CSHL1: variants seen among roughly 807,000 people sequenced by gnomAD.
The protein encoded by CSHL1 is chorionic somatomammotropin hormone like 1.
A neutral mutation model predicts 24.3 loss-of-function variants in CSHL1; 25 were observed. The ratio of observed to expected loss-of-function variants is 1.03; its 90% CI spans 0.75 to 1.44. The LOEUF (loss-of-function observed/expected upper bound fraction) is 1.44, where lower values mean the gene tolerates loss of function less well. Among genes scored for constraint, CSHL1 ranks in the 40% most tolerant of loss-of-function variants. CSHL1 has a pLI of 0.00. For synonymous variants in CSHL1, 157 were observed against 115.6 expected (o/e 1.36, Z -2.30); for missense variants, 342 against 279.3 (o/e 1.22, Z -1.60).
chr17:63,910,056 C>G, intron 4 of CSHL1, 106 bp downstream of exon 4: 1 of 1,614,136 alleles, frequency 6.2e-7, no homozygotes, highest in Non-Finnish European at 8.5e-7. Flanking sequence ...GGTGAGTTCT[C>G]TTGGGTCAGC....
Position 63,910,290 on chromosome 17 carries a change from C to G in CSHL1, c.343G>C (p.Glu115Gln), listed in dbSNP as rs527856367. ...AACCGCACGGGCTCCAGCCGCGACT[C>G]GATGAGCAGCAGGGAGATGTGGAGC... ...ELLHISLLLIESRLEPVRFLR... is the reference protein window; with the variant it reads ...ELLHISLLLIQSRLEPVRFLR... Residue 115 changes from glutamate to glutamine, a missense_variant, in exon 4 of 5, where the codon GAG (glutamate) becomes CAG (glutamine). Transcript: ENST00000309894. 17 of 1,614,106 alleles carry G rather than the reference C, an allele frequency of 1.1e-5. No individual in the cohort carries two copies. The East Asian group carries it at 1.3e-4, about 13-fold the overall frequency.
Position 63,909,830 on chromosome 17 carries a change from G to C in CSHL1, c.550C>G (p.His184Asp), listed in dbSNP as rs1906714537. 1 of 1,614,006 alleles carries C rather than the reference G, an allele frequency of 6.2e-7. No individual in the cohort carries two copies. The highest frequency in any genetic ancestry group is 1.7e-4 in the Middle Eastern group (1 of 6,056). Residue 184 changes from histidine (H) to aspartate (D), a missense_variant, in exon 5 of 5, where the codon CAT becomes GAT. By Grantham distance (81) the His-to-Asp change is moderately conservative. Coordinates refer to ENST00000309894, the MANE Select transcript of CSHL1 (RefSeq NM_022579.3). ...CCGTAGTTCTTGAGCAGTGCGTCATGGTTGTGCGAGTTTGTGTCAAACTTG... is the reference window on the plus strand; with the variant it reads ...CCGTAGTTCTTGAGCAGTGCGTCATCGTTGTGCGAGTTTGTGTCAAACTTG... ...YSKFDTNSHN[H>D]DALLKNYGLL...
In CSHL1 at chr17:63,910,402, G is replaced by T. The variant is rs1408225612; in HGVS notation, c.306+18C>A. ...AGGTCTCCCCCATCCCCGCCTAGGG[G>T]AGACAGCATCCACTCACGGATTTCT... On this transcript the variant is annotated intron_variant, in intron 3 of 4. Transcript: ENST00000309894. 3 of 1,614,088 alleles carry T rather than the reference G, an allele frequency of 1.9e-6. No homozygotes were observed. The African/African-American group carries it at 4.0e-5, about 22-fold the overall frequency.
In CSHL1 at chr17:63,909,667, C is replaced by G; in HGVS notation, c.*44G>C. On this transcript the variant is annotated 3_prime_UTR_variant, in exon 5 of 5. Transcript: ENST00000309894. ...GGCACTGGAGTGGCACCTTCAGGGC[C>G]AGGAGAGGCACTGGGGAGGGGTCAC... The G allele has an allele frequency of 6.2e-7, 1 of 1,613,888 alleles. No homozygotes were observed. The highest frequency in any genetic ancestry group is 8.5e-7 in the Non-Finnish European group (1 of 1,179,902).
rs751404449 is a variant in CSHL1, at chr17:63,910,918, C to A, written c.17G>T (p.Arg6Leu). ...GGCAAAAGCCAGGAGCAGGGACGTC[C>A]GGGAGCCTGGGGAGAAACCGGAGGG... Reference protein sequence around the residue: MAAGSRTSLLLAFALL... With the variant: MAAGSLTSLLLAFALL... Residue 6 changes from arginine to leucine, a missense_variant, in exon 2 of 5, where the codon CGG becomes CTG. Arg to Leu is a moderately radical substitution (Grantham distance 102, BLOSUM62 -2). Coordinates refer to ENST00000309894, the MANE Select transcript of CSHL1 (RefSeq NM_022579.3). 3.7e-6 allele frequency: 6 copies of A among 1,613,854 alleles called. No homozygotes were observed. Among genetic ancestry groups the A allele is most frequent in the East Asian group, 2.2e-5 (1 of 44,876 alleles).
chr17:63,910,797 T>A lies in CSHL1; in HGVS notation c.138A>T (p.Ala46=), dbSNP rs201773152. 1 of 1,614,180 alleles carries A rather than the reference T, an allele frequency of 6.2e-7. No individual in the cohort carries two copies. The highest frequency in any genetic ancestry group is 8.5e-7 in the Non-Finnish European group (1 of 1,180,034). ...GGTAGGTGTCAATGGCCAGCTGGTGTGCGCGATGGGCTTGGAGCATAGCCT... is the reference window on the plus strand; with the variant it reads ...GGTAGGTGTCAATGGCCAGCTGGTGAGCGCGATGGGCTTGGAGCATAGCCT... ...FKEAMLQAHR[A]HQLAIDTYQE... is the part of the protein sequence containing the mutation. The change falls in exon 2 of 5, where the codon GCA becomes GCT. Residue 46 remains alanine (A), a synonymous_variant. Coordinates refer to ENST00000309894, the MANE Select transcript of CSHL1 (RefSeq NM_022579.3).
rs1293726182 is a variant in CSHL1 at position 63,910,701 on chromosome 17, C to T, written c.190+44G>A. 5 of 1,614,218 alleles carry T rather than the reference C, an allele frequency of 3.1e-6. No homozygotes were observed. The East Asian group carries it at 8.9e-5, about 29-fold the overall frequency. ...TCCTTAGTCTCCTCCCATTACTTCC[C>T]CAGTGGGGGAAAGTCACCCCTTCTT... On this transcript the variant is annotated intron_variant, in intron 2 of 4. Coordinates refer to ENST00000309894, the MANE Select transcript of CSHL1 (RefSeq NM_022579.3).
rs774200887 is a variant in CSHL1, at chr17:63,909,711, C to T, written c.669G>A (p.Ter223=). 2.5e-6 allele frequency: 4 copies of T among 1,613,988 alleles called. No homozygotes were observed. Among genetic ancestry groups the T allele is most frequent in the African/African-American group, 2.7e-5 (2 of 74,868 alleles). ...GGGTCACAGGATGCCACGCGGGCCC[C>T]TAGAAGCCACAGCTGCCCTCCACAG... The part of the protein sequence containing the change: ...CRSVEGSCGF[*] The change falls in exon 5 of 5, where the codon TAG becomes TAA. Residue 223 remains the stop codon, a stop_retained_variant. Transcript: ENST00000309894.
rs1179631886 is a variant in CSHL1 at position 63,909,639 on chromosome 17, G to C, written c.*72C>G. 5 of 1,609,152 alleles carry C rather than the reference G, an allele frequency of 3.1e-6. No homozygotes were observed. Among genetic ancestry groups the C allele is most frequent in the African/African-American group, 1.3e-5 (1 of 74,726 alleles). ...ACTTAATTTTATTAAGACAAGGCTG[G>C]TGGGCACTGGAGTGGCACCTTCAGG... On this transcript the variant is annotated 3_prime_UTR_variant, in exon 5 of 5. Coordinates refer to ENST00000309894, the MANE Select transcript of CSHL1 (RefSeq NM_022579.3).
At position 63,910,821 on chromosome 17, in the gene CSHL1, C is replaced by G. The variant is rs201066747; in HGVS notation, c.114G>C (p.Glu38Asp). ...GTGCGCGATGGGCTTGGAGCATAGCCTCTTTAAAAAGCCTGGATAAGGGAA... is the reference window on the plus strand; with the variant it reads ...GTGCGCGATGGGCTTGGAGCATAGCGTCTTTAAAAAGCCTGGATAAGGGAA... ...QTVPLSRLFK[E>D]AMLQAHRAHQ... Residue 38 changes from glutamate (E) to aspartate (D), a missense_variant, in exon 2 of 5, where the codon GAG becomes GAC. Glu to Asp is a conservative substitution (Grantham distance 45, BLOSUM62 2). Transcript: ENST00000309894. 4.9e-5 allele frequency: 79 copies of G among 1,614,052 alleles called. No individual in the cohort carries two copies. Among genetic ancestry groups the G allele is most frequent in the African/African-American group, 1.3e-4 (10 of 75,030 alleles).
Position 63,911,168 on chromosome 17 carries a change from G to C in CSHL1, c.10+19C>G. On this transcript the variant is annotated intron_variant, in intron 1 of 4. Transcript: ENST00000309894. ...CCCTCAGGACACGTTGTGCCCAAAGGGATTTTAGGGGCGCTTACCTGCAGC... is the reference window on the plus strand; with the variant it reads ...CCCTCAGGACACGTTGTGCCCAAAGCGATTTTAGGGGCGCTTACCTGCAGC... The C allele has an allele frequency of 3.1e-6, 5 of 1,613,616 alleles. No individual in the cohort carries two copies. Among genetic ancestry groups the C allele is most frequent in the Non-Finnish European group, 4.2e-6 (5 of 1,179,866 alleles).
chr17:63,909,638 G>T lies in CSHL1; in HGVS notation c.*73C>A. The T allele has an allele frequency of 1.2e-6, 2 of 1,608,620 alleles. No individual in the cohort carries two copies. The highest frequency in any genetic ancestry group is 1.1e-5 in the South Asian group (1 of 90,990). ...AACTTAATTTTATTAAGACAAGGCT[G>T]GTGGGCACTGGAGTGGCACCTTCAG... On this transcript the variant is annotated 3_prime_UTR_variant, in exon 5 of 5. Transcript: ENST00000309894.
chr17:63,911,244 G>A lies in CSHL1; in HGVS notation c.-48C>T, dbSNP rs529822058. On this transcript the variant is annotated 5_prime_UTR_variant, in exon 1 of 5. Coordinates refer to ENST00000309894, the MANE Select transcript of CSHL1 (RefSeq NM_022579.3). ...AGGACCCTGAGTGGTGCGGGGAGTC[G>A]GGCCTTGGGATGCTGGAGCTGGTCT... The A allele has an allele frequency of 1.8e-5, 29 of 1,613,788 alleles. No homozygotes were observed. The highest frequency in any genetic ancestry group is 4.4e-5 in the South Asian group (4 of 91,068).
At chr17:63,910,601 C>T (rs760222018) in intron 2 of CSHL1, 66 bp from the exon 3 acceptor site, 9 of 1,614,054 alleles carry the variant, frequency 5.6e-6, no homozygotes, top group African/African-American at 2.7e-5. Context: ...CCAGCTCCCA[C>T]TGTTACTCTT....
Position 63,910,300 on chromosome 17 carries a change from C to A in CSHL1, c.333G>T (p.Leu111=). ...KSNLELLHIS[L]LLIESRLEPV... is the part of the protein sequence containing the mutation. The stretch of plus-strand genomic sequence containing the variant: ...GCTCCAGCCGCGACTCGATGAGCAG[C>A]AGGGAGATGTGGAGCAGCTCTAAGT... The change falls in exon 4 of 5, where the codon CTG becomes CTT. Residue 111 remains leucine, a synonymous_variant. Coordinates refer to ENST00000309894, the MANE Select transcript of CSHL1 (RefSeq NM_022579.3). The A allele has an allele frequency of 6.2e-7, 1 of 1,614,166 alleles. No homozygotes were observed. The highest frequency in any genetic ancestry group is 8.5e-7 in the Non-Finnish European group (1 of 1,180,014).
rs368393519 is a variant in CSHL1, at chr17:63,910,272, C to T, written c.361G>A (p.Val121Met). 33 of 1,613,962 alleles carry T rather than the reference C, an allele frequency of 2.0e-5. No individual in the cohort carries two copies. Among genetic ancestry groups the T allele is most frequent in the African/African-American group, 5.3e-5 (4 of 74,896 alleles). ...GTGAAGGTACTCCTGAGGAACCGCA[C>T]GGGCTCCAGCCGCGACTCGATGAGC... Reference protein sequence around the residue: ...LLLIESRLEPVRFLRSTFTNN... With the variant: ...LLLIESRLEPMRFLRSTFTNN... Residue 121 changes from valine to methionine, a missense_variant, in exon 4 of 5, where the codon GTG (valine) becomes ATG (methionine). Coordinates refer to ENST00000309894, the MANE Select transcript of CSHL1 (RefSeq NM_022579.3).
In CSHL1 at chr17:63,910,919, G is replaced by A. The variant is rs1206507217; in HGVS notation, c.16C>T (p.Arg6Trp). The change falls in exon 2 of 5, where the codon CGG becomes TGG. Residue 6 changes from arginine (R) to tryptophan (W), a missense_variant. By Grantham distance (101) the Arg-to-Trp change is moderately radical (BLOSUM62 -3). Coordinates refer to ENST00000309894, the MANE Select transcript of CSHL1 (RefSeq NM_022579.3). MAAGS[R>W]TSLLLAFALL... ...GCAAAAGCCAGGAGCAGGGACGTCC[G>A]GGAGCCTGGGGAGAAACCGGAGGGC... 9.3e-6 allele frequency: 15 copies of A among 1,613,752 alleles called. No homozygotes were observed. Among genetic ancestry groups the A allele is most frequent in the African/African-American group, 1.3e-5 (1 of 74,800 alleles).
At position 63,909,740 on chromosome 17, in the gene CSHL1, G is replaced by T. The variant is rs139141452; in HGVS notation, c.640C>A (p.Arg214Ser). ...VETFLRMVQCRSVEGSCGF is the reference protein window; with the variant it reads ...VETFLRMVQCSSVEGSCGF Reference sequence around the variant, plus strand: ...AAGCCACAGCTGCCCTCCACAGAGCGGCACTGCACCATGCGCAGGAATGTC... The same window carrying T: ...AAGCCACAGCTGCCCTCCACAGAGCTGCACTGCACCATGCGCAGGAATGTC... Residue 214 changes from arginine (R) to serine (S), a missense_variant, in exon 5 of 5, where the codon CGC becomes AGC. Transcript: ENST00000309894. The T allele has an allele frequency of 2.0e-5, 32 of 1,613,988 alleles. 1 individual carries two copies. In the South Asian group the frequency reaches 3.5e-4, roughly 18 times the overall value.
rs561966740 is a variant in CSHL1, at chr17:63,910,591, C to G, written c.191-56G>C. On this transcript the variant is annotated intron_variant, in intron 2 of 4. Coordinates refer to ENST00000309894, the MANE Select transcript of CSHL1 (RefSeq NM_022579.3). ...GGACCACTGCTTTCTATGCTGGAGA[C>G]CAGCTCCCACTGTTACTCTTCTGGG... 5.9e-5 allele frequency: 95 copies of G among 1,614,156 alleles called. No homozygotes were observed. The East Asian group carries it at 1.9e-3, about 33-fold the overall frequency.
Sources: gnomAD v4.1 joint callset for allele counts on GRCh38, gnomAD v4.1.1 for gene constraint, MANE v1.5 for transcripts, NCBI Gene and HGNC (gene_info 2026-07-23, HGNC 2026-07-21) for gene names.